FDXACB1: variants seen among roughly 807,000 people sequenced by gnomAD.
The protein encoded by FDXACB1 is ferredoxin-fold anticodon binding domain containing 1, also known as ferredoxin-fold anticodon-binding domain-containing protein 1.
A neutral mutation model predicts 51.7 loss-of-function variants in FDXACB1; 41 were observed. The observed-to-expected ratio is 0.79, with a 90% confidence interval of 0.62 to 1.03. The LOEUF is 1.03. FDXACB1 is among the 50% of genes least tolerant of loss of function. The pLI, the probability that FDXACB1 is intolerant of heterozygous loss-of-function variation, is 0.00. For synonymous variants in FDXACB1, 273 were observed against 278.6 expected, an observed-to-expected ratio of 0.98 and a Z score of 0.20; for missense variants, 697 against 746.4, an observed-to-expected ratio of 0.93 and a Z score of 0.77.
At chr11:111,876,665 G>C in intron 3 of FDXACB1, 26 bp from the exon 4 acceptor site, 1 of 1,603,564 alleles carries the variant, frequency 6.2e-7, no homozygotes, top group Non-Finnish European at 8.5e-7. Flanking sequence ...CCAATATGAA[G>C]TCTGTCATTA....
rs1452833178 is a variant in FDXACB1 at position 111,879,138 on chromosome 11, C to T, written c.-6G>A. Reference sequence around the variant, plus strand: ...AGGAGGCGCCGAGGGGCCATGGCCTCCACGGACTCCCGGCTCGCGTTCTCT... The same window carrying T: ...AGGAGGCGCCGAGGGGCCATGGCCTTCACGGACTCCCGGCTCGCGTTCTCT... On this transcript the variant is annotated 5_prime_UTR_variant, in exon 1 of 5. Transcript: ENST00000260257. 6.2e-7 allele frequency: 1 copy of T among 1,603,478 alleles called. No homozygotes were observed. Among genetic ancestry groups the T allele is most frequent in the Non-Finnish European group, 8.5e-7 (1 of 1,175,020 alleles).
intron 2 of FDXACB1, 30 bp from the exon 3 acceptor site, chr11:111,877,041 T>G (rs1290666063): frequency 5.2e-6 from 8 of 1,548,448 alleles, no homozygotes; most frequent in Non-Finnish European, 7.0e-6. Flanking sequence ...CACTAACTAA[T>G]TATCATAAAC....
chr11:111,876,281 G>T (rs541357213), intron 4 of FDXACB1, among the ~76,000 whole-genome samples, 177 bp from the exon 5 acceptor site: 1 of 152,298 alleles, frequency 6.6e-6, no homozygotes, highest in Admixed American at 6.5e-5. Context: ...TCAGAACTCT[G>T]ACAGCCACCA....
In FDXACB1 at chr11:111,874,478, C is replaced by T. The variant is rs556948516; in HGVS notation, c.*444G>A. 9.4e-5 allele frequency: 15 copies of T among 158,936 alleles called. No homozygotes were observed. In the South Asian group the frequency reaches 1.8e-3, roughly 19 times the overall value. The allele number at this position is 158,936 out of a possible 1,614,324, so 9.8% of individuals were successfully genotyped here. ...AGATCAACTAACAGTAGGCCGGGCG[C>T]GGTGGCTCACATCTATAATCCCAGC... On this transcript the variant is annotated 3_prime_UTR_variant, in exon 5 of 5. Transcript: ENST00000260257.
At position 111,877,027 on chromosome 11, in the gene FDXACB1, G is replaced by C. The variant is rs1964831322; in HGVS notation, c.330-16C>G. ...GTCTGCACAGCTAATAGGGAGAAAA[G>C]AAACACTAACTAATTATCATAAACA... On this transcript the variant is annotated splice_polypyrimidine_tract_variant and intron_variant, in intron 2 of 4. Coordinates refer to ENST00000260257, the MANE Select transcript of FDXACB1 (RefSeq NM_138378.3). 6.4e-7 allele frequency: 1 copy of C among 1,558,660 alleles called. No individual in the cohort carries two copies. Among genetic ancestry groups the C allele is most frequent in the Non-Finnish European group, 8.7e-7 (1 of 1,150,218 alleles).
At chr11:111,876,358 CAAAT>C (rs1555162143) in intron 4 of FDXACB1, 119 bp downstream of exon 4, 10 of 1,243,334 alleles carry the variant, frequency 8.0e-6, no homozygotes, top group Non-Finnish European at 1.1e-6. Context: ...GCCAGGCTGA[CAAAT>C]AAACATAGCA....
Sources: allele counts gnomAD v4.1 joint callset (sites outside exome capture counted in the v4.1 genomes callset), GRCh38; gene constraint gnomAD v4.1.1; transcripts MANE v1.5; gene names NCBI Gene and HGNC (gene_info 2026-07-23, HGNC 2026-07-21).